The following GNG5 variants were observed in gnomAD, a reference collection of about 807,000 sequenced individuals.
GNG5 encodes the protein guanine nucleotide-binding protein G(I)/G(S)/G(O) subunit gamma-5.
Under a neutral mutation model 6.2 loss-of-function variants are expected in GNG5, and 2 were observed. The ratio of observed to expected loss-of-function variants is 0.32; its 90% CI spans 0.13 to 1.01. The LOEUF (loss-of-function observed/expected upper bound fraction) is 1.01, where lower values mean the gene tolerates loss of function less well. Ranked by LOEUF, GNG5 falls within the 50% of genes least tolerant of loss-of-function variation. The pLI, the probability that GNG5 is intolerant of heterozygous loss-of-function variation, is 0.48. For missense variants in GNG5, 57 were observed against 80.2 expected, an observed-to-expected ratio of 0.71 and a Z score of 1.10; for synonymous variants, 24 against 33.0, an observed-to-expected ratio of 0.73 and a Z score of 0.93.
At position 84,501,834 on chromosome 1, in the gene GNG5, G is replaced by C; in HGVS notation, c.*11C>G. 1 of 1,602,204 alleles carries C rather than the reference G, an allele frequency of 6.2e-7. No individual in the cohort carries two copies. The highest frequency in any genetic ancestry group is 8.5e-7 in the Non-Finnish European group (1 of 1,170,490). On this transcript the variant is annotated 3_prime_UTR_variant, in exon 3 of 4. Coordinates refer to ENST00000370645, the MANE Select transcript of GNG5 (RefSeq NM_005274.3). ...AATTTAAGGAAACTTACCTTTGAAA[G>C]ATTCATTTTACTACAAAAAGGAACA...
At chr1:84,500,819 A>G (rs1400333817) in intron 3 of GNG5, among the ~76,000 whole-genome samples, 2 of 152,338 alleles carry the variant, frequency 1.3e-5, no homozygotes, top group East Asian at 3.9e-4. Context: ...GGAGGGCACA[A>G]CTATGTAACA....
At chr1:84,502,980 A>C (rs1162418740) in intron 2 of GNG5, among the ~76,000 whole-genome samples, 1 of 152,246 alleles carries the variant, frequency 6.6e-6, no homozygotes, top group Non-Finnish European at 1.5e-5. Flanking sequence ...GGCTCTGTAT[A>C]TGTATATTAA....
chr1:84,502,010 G>C lies in GNG5; in HGVS notation c.82-40C>G, dbSNP rs554580269. 3.2e-5 allele frequency: 49 copies of C among 1,540,416 alleles called. 1 individual carries two copies. In the South Asian group the frequency reaches 5.6e-4, roughly 17 times the overall value. On this transcript the variant is annotated intron_variant, in intron 2 of 3. Transcript: ENST00000370645. ...GAGGGGGGGAAGTGCCAGATGGTGA[G>C]AACATTTTAATGAAGGTTTTCTCAA...
chr1:84,502,410 G>A (rs568307747), intron 2 of GNG5, among the ~76,000 whole-genome samples: 46 of 152,230 alleles, frequency 3.0e-4, no homozygotes, highest in Admixed American at 1.5e-3. Flanking sequence ...GAGATTACAG[G>A]TGTGAGCCAC....
chr1:84,502,482 A>AT (rs1161847822), intron 2 of GNG5, among the ~76,000 whole-genome samples: 1 of 152,146 alleles, frequency 6.6e-6, no homozygotes, highest in Non-Finnish European at 1.5e-5. Flanking sequence ...GACTGATTTA[A>AT]TTAAGTATGT....
intron 1 of GNG5, 43 bp downstream of exon 1, chr1:84,506,393 T>G: frequency 3.9e-6 from 1 of 255,178 alleles, no homozygotes; most frequent in Non-Finnish European, 7.6e-6. Flanking sequence ...TTTCTTTTCC[T>G]CTCCAGAGGG....
intron 2 of GNG5, among the ~76,000 whole-genome samples, chr1:84,503,415 C>T (rs1283392182): frequency 6.6e-6 from 1 of 152,152 alleles, no homozygotes. Context: ...AAACGCTTAT[C>T]GAATCTATTT....
rs1328095209 is a variant in GNG5, at chr1:84,506,101, G to C, written c.-10C>G. 1.1e-5 allele frequency: 18 copies of C among 1,571,230 alleles called. No homozygotes were observed. The highest frequency in any genetic ancestry group is 1.5e-5 in the Non-Finnish European group (17 of 1,160,246). ...TGGAGGAGCCAGACATGGTGCACGC[G>C]ACGGCCGGGCCGATTCGTGGGTCGG... On this transcript the variant is annotated 5_prime_UTR_variant, in exon 2 of 4. Coordinates refer to ENST00000370645, the MANE Select transcript of GNG5 (RefSeq NM_005274.3).
At chr1:84,500,698 T>C (rs1427888255) in intron 3 of GNG5, among the ~76,000 whole-genome samples, 3 of 152,270 alleles carry the variant, frequency 2.0e-5, no homozygotes, top group Non-Finnish European at 2.9e-5. Flanking sequence ...GGGCTTTTTT[T>C]CCCCCTGGTA....
chr1:84,502,335 T>A (rs978851239), intron 2 of GNG5, among the ~76,000 whole-genome samples: 8 of 151,974 alleles, frequency 5.3e-5, no homozygotes, highest in African/African-American at 1.7e-4. Flanking sequence ...GGTTTCACCG[T>A]GTTGGCCAGG....
chr1:84,501,288 T>C (rs1007687866), intron 3 of GNG5, among the ~76,000 whole-genome samples: 2 of 152,212 alleles, frequency 1.3e-5, no homozygotes, highest in African/African-American at 4.8e-5. Flanking sequence ...CAAACGCCTC[T>C]ACCACACTGG....
In GNG5 at chr1:84,501,943, G is replaced by C. The variant is rs1682065350; in HGVS notation, c.109C>G (p.Gln37Glu). Residue 37 changes from glutamine (Q) to glutamate (E), a missense_variant, in exon 3 of 4, where the codon CAG becomes GAG. Physicochemically the swap from Gln to Glu is conservative, Grantham distance 29. Coordinates refer to ENST00000370645, the MANE Select transcript of GNG5 (RefSeq NM_005274.3). ...KVSQAAADLK[Q>E]FCLQNAQHDP... ...TGTTGAGCATTCTGCAGACAGAACT[G>C]TTTCAAGTCTGCAGCTGCCTGGGAA... 2 of 1,610,054 alleles carry C rather than the reference G, an allele frequency of 1.2e-6. No individual in the cohort carries two copies. The highest frequency in any genetic ancestry group is 3.3e-4 in the Middle Eastern group (2 of 6,052).
rs148255328 is a variant in GNG5 at position 84,500,273 on chromosome 1, C to G, written c.*19+1553G>C. On this transcript the variant is annotated intron_variant, in intron 3 of 3. Coordinates refer to ENST00000370645, the MANE Select transcript of GNG5 (RefSeq NM_005274.3). ...AAGCTTGAGAAGCAATGCTTTGATGCCCAATTATTATTCTCCTAGCCCAAA... is the reference window on the plus strand; with the variant it reads ...AAGCTTGAGAAGCAATGCTTTGATGGCCAATTATTATTCTCCTAGCCCAAA... 7.4e-4 allele frequency among the ~76,000 whole-genome samples: 113 copies of G among 152,266 alleles called. 2 individuals carry two copies. The highest frequency in any genetic ancestry group is 2.7e-3 in the African/African-American group (113 of 41,566).
intron 2 of GNG5, among the ~76,000 whole-genome samples, chr1:84,504,800 T>C (rs1258573779): frequency 6.6e-6 from 1 of 152,136 alleles, no homozygotes; most frequent in East Asian, 1.9e-4. Context: ...CCTTCTGAGT[T>C]GACCACAACT....
intron 2 of GNG5, among the ~76,000 whole-genome samples, chr1:84,505,398 C>G (rs1682160830): frequency 1.3e-5 from 2 of 152,146 alleles, no homozygotes; most frequent in Admixed American, 1.3e-4. Context: ...ACGCTTTGTT[C>G]GAGGTTGTAC....
chr1:84,505,920 C>G, intron 2 of GNG5, 91 bp downstream of exon 2: 1 of 900,440 alleles, frequency 1.1e-6, no homozygotes, highest in South Asian at 2.7e-5. Flanking sequence ...CGAGGGCCGG[C>G]GCGTGTCCCG....
intron 3 of GNG5, among the ~76,000 whole-genome samples, chr1:84,498,957 G>A (rs1226551362): frequency 6.6e-6 from 1 of 152,138 alleles, no homozygotes; most frequent in African/African-American, 2.4e-5. Context: ...CAAGGATACT[G>A]ACTGTATTAG....
At chr1:84,501,994 A>T (rs767099690) in intron 2 of GNG5, 24 bp from the exon 3 acceptor site, 2 of 1,561,912 alleles carry the variant, frequency 1.3e-6, no homozygotes, top group African/African-American at 1.3e-5. Flanking sequence ...AGAGGGGGGG[A>T]AGTGCCAGAT....
At position 84,506,308 on chromosome 1, in the gene GNG5, G is replaced by A. The variant is rs1682229921; in HGVS notation, c.-210-7C>T. 2.4e-6 allele frequency: 1 copy of A among 409,064 alleles called. No individual in the cohort carries two copies. The allele number at this position is 409,064 out of a possible 1,614,324, so 25.3% of individuals were successfully genotyped here. ...CCCGGCCCCGAGCGCGAGCCTGGAGGAGGGGGAGGAGAAGGGGCGGAGCAG... is the reference window on the plus strand; with the variant it reads ...CCCGGCCCCGAGCGCGAGCCTGGAGAAGGGGGAGGAGAAGGGGCGGAGCAG... On this transcript the variant is annotated splice_polypyrimidine_tract_variant and splice_region_variant and intron_variant, in intron 1 of 3. Coordinates refer to ENST00000370645, the MANE Select transcript of GNG5 (RefSeq NM_005274.3).
Sources: allele counts gnomAD v4.1 joint callset (sites outside exome capture counted in the v4.1 genomes callset), GRCh38; gene constraint gnomAD v4.1.1; transcripts MANE v1.5; gene names NCBI Gene and HGNC (gene_info 2026-07-23, HGNC 2026-07-21).